The following GRIN2A variants were observed in gnomAD, a reference collection of about 807,000 sequenced individuals.
The protein encoded by GRIN2A is glutamate receptor ionotropic, NMDA 2A.
A neutral mutation model predicts 113.4 loss-of-function variants in GRIN2A; 22 were observed. The ratio of observed to expected loss-of-function variants is 0.19; its 90% CI spans 0.14 to 0.28. The LOEUF (loss-of-function observed/expected upper bound fraction) is 0.28, where lower values mean the gene tolerates loss of function less well. GRIN2A is among the 10% of genes least tolerant of loss of function. The probability of loss-of-function intolerance (pLI) is 1.00; values close to 1 mark genes in which losing one functional copy is unlikely to be tolerated. For synonymous variants in GRIN2A, 827 were observed against 738.4 expected, an observed-to-expected ratio of 1.12 and a Z score of -1.94; for missense variants, 1,502 against 1,887.0, an observed-to-expected ratio of 0.80 and a Z score of 3.78.
chr16:9,883,572 T>G (rs1408624460), intron 4 of GRIN2A, among the ~76,000 whole-genome samples: 1 of 152,168 alleles, frequency 6.6e-6, no homozygotes, highest in Non-Finnish European at 1.5e-5. Context: ...CAGGAGCAGG[T>G]GACAGCTGAA....
chr16:9,809,185 C>T (rs552688382), intron 10 of GRIN2A, among the ~76,000 whole-genome samples: 32 of 152,126 alleles, frequency 2.1e-4, no homozygotes, highest in Non-Finnish European at 4.0e-4. Flanking sequence ...TTTGGGAGGC[C>T]GAAGTGGGTG....
In GRIN2A at chr16:9,991,536, A is replaced by C. The variant is rs543147983; in HGVS notation, c.415-52985T>G. On this transcript the variant is annotated intron_variant, in intron 2 of 12. Transcript: ENST00000330684. ...TATTGTACCCATTAAATAACTTCTC[A>C]TTCTTCACCTCCTCCCATTCCCCTC... is the stretch of plus-strand genomic sequence containing the variant. Among the ~76,000 whole-genome samples the C allele has an allele frequency of 2.0e-5, 3 of 152,232 alleles. No homozygotes were observed. The South Asian group carries it at 6.2e-4, about 32-fold the overall frequency.
At chr16:10,117,712 G>C (rs12927015) in intron 2 of GRIN2A, among the ~76,000 whole-genome samples, 13,909 of 152,150 alleles carry the variant, frequency 0.091, 666 homozygotes, top group Middle Eastern at 0.11. Flanking sequence ...AAAAAGCTCA[G>C]GGGCTACAGC....
intron 2 of GRIN2A, among the ~76,000 whole-genome samples, chr16:10,136,122 T>G (rs1196249464): frequency 6.6e-6 from 1 of 152,158 alleles, no homozygotes; most frequent in African/African-American, 2.4e-5. Flanking sequence ...CTCTCCCTTT[T>G]ACACTCTGCT....
Position 9,890,733 on chromosome 16 carries a change from A to G in GRIN2A, c.1122+253T>C, listed in dbSNP as rs144254822. Among the ~76,000 whole-genome samples, 1,684 of 152,316 alleles carry G rather than the reference A, an allele frequency of 0.011. 24 individuals are homozygous for G. The highest frequency in any genetic ancestry group is 0.033 in the African/African-American group (1,373 of 41,562). On this transcript the variant is annotated intron_variant, in intron 4 of 12. Transcript: ENST00000330684. ...ACTGTCTTTAAATTATCCTTAGTTC[A>G]GACCTTTCCTACTGGGATTTGAGAA...
intron 2 of GRIN2A, among the ~76,000 whole-genome samples, chr16:10,159,399 C>T (rs959840454): frequency 1.9e-4 from 29 of 152,154 alleles, no homozygotes; most frequent in African/African-American, 6.8e-4. Flanking sequence ...GAACCCAGGG[C>T]AAGAGGTTGA....
chr16:9,796,245 A>G (rs1187266570), intron 11 of GRIN2A, among the ~76,000 whole-genome samples: 1 of 152,196 alleles, frequency 6.6e-6, no homozygotes, highest in Non-Finnish European at 1.5e-5. Flanking sequence ...CAAATGAAAT[A>G]CATCTTAACA....
intron 12 of GRIN2A, among the ~76,000 whole-genome samples, chr16:9,765,252 A>G (rs778613150): frequency 2.6e-5 from 4 of 152,232 alleles, no homozygotes; most frequent in Non-Finnish European, 5.9e-5. Context: ...GTGTCTCCAA[A>G]GTGGCATATA....
rs1555482324 is a variant in GRIN2A, at chr16:9,763,928, G to T, written c.3616C>A (p.Arg1206=). Residue 1206 remains arginine, a synonymous_variant, in exon 13 of 13, where the codon CGA becomes AGA. Coordinates refer to ENST00000330684, the MANE Select transcript of GRIN2A (RefSeq NM_001134407.3). ...KGSPHSETSE[R]YRQNSTHCRS... ...CAGTGCGTGGAGTTCTGCCGGTATC[G>T]CTCGCTGGTCTCACTGTGCGGGGAA... is the stretch of plus-strand genomic sequence containing the variant. 2.5e-6 allele frequency: 4 copies of T among 1,614,096 alleles called. No homozygotes were observed. The highest frequency in any genetic ancestry group is 3.4e-6 in the Non-Finnish European group (4 of 1,179,996).
chr16:9,988,852 C>G (rs2046038958), intron 2 of GRIN2A, among the ~76,000 whole-genome samples: 1 of 152,086 alleles, frequency 6.6e-6, no homozygotes, highest in Non-Finnish European at 1.5e-5. Flanking sequence ...GAATGTAGCC[C>G]AAGATCCCCC....
chr16:10,016,116 C>CAA (rs140929988), intron 2 of GRIN2A, among the ~76,000 whole-genome samples: 46 of 66,228 alleles, frequency 6.9e-4, no homozygotes, highest in East Asian at 1.2e-3. Context: ...AACTCCATCT[C>CAA]AAAAAAAAAA....
chr16:9,966,694 A>C (rs1377785161), intron 2 of GRIN2A, among the ~76,000 whole-genome samples: 1 of 152,026 alleles, frequency 6.6e-6, no homozygotes, highest in African/African-American at 2.4e-5. Flanking sequence ...AGAAATTGCC[A>C]CATTGTCTTC....
chr16:10,128,113 A>T (rs11645379), intron 2 of GRIN2A, among the ~76,000 whole-genome samples: 2 of 152,084 alleles, frequency 1.3e-5, no homozygotes, highest in African/African-American at 4.8e-5. Context: ...ATTTTCATCC[A>T]TTGTTGCTGA....
intron 11 of GRIN2A, among the ~76,000 whole-genome samples, chr16:9,787,914 T>C (rs76236806): frequency 6.6e-6 from 1 of 152,286 alleles, no homozygotes; most frequent in African/African-American, 2.4e-5. Context: ...CAGGGACCTA[T>C]GTCAGGAAGA....
chr16:10,160,650 T>C (rs2049791711), intron 2 of GRIN2A, among the ~76,000 whole-genome samples: 1 of 152,234 alleles, frequency 6.6e-6, no homozygotes, highest in Non-Finnish European at 1.5e-5. Context: ...TTTGGCTGTT[T>C]TAATGAATTC....
rs76723385 is a variant in GRIN2A, at chr16:9,786,801, T to C, written c.2356+11476A>G. Among the ~76,000 whole-genome samples the C allele has an allele frequency of 1.8e-3, 276 of 152,336 alleles. 1 individual carries two copies. The East Asian group carries it at 0.029, about 16-fold the overall frequency. ...ACTGACCTGTGACTCAGTTTCCTCATATGTAAATAGGAATGAATAATTATA... is the reference window on the plus strand; with the variant it reads ...ACTGACCTGTGACTCAGTTTCCTCACATGTAAATAGGAATGAATAATTATA... On this transcript the variant is annotated intron_variant, in intron 11 of 12. Coordinates refer to ENST00000330684, the MANE Select transcript of GRIN2A (RefSeq NM_001134407.3).
chr16:9,953,073 G>A (rs1367318825), intron 2 of GRIN2A, among the ~76,000 whole-genome samples: 2 of 152,142 alleles, frequency 1.3e-5, no homozygotes, highest in African/African-American at 4.8e-5. Flanking sequence ...AGGAGGGAAT[G>A]AATGAAGGCA....
chr16:9,865,224 A>G (rs1158572222), intron 4 of GRIN2A, among the ~76,000 whole-genome samples: 5 of 152,204 alleles, frequency 3.3e-5, no homozygotes, highest in Admixed American at 3.3e-4. Flanking sequence ...CACTGGGGGA[A>G]GAGGAGGGTT....
chr16:9,769,301 T>G lies in GRIN2A; in HGVS notation c.2357-212A>C, dbSNP rs1901111407. The G allele has an allele frequency of 8.0e-6, 3 of 375,250 alleles. No homozygotes were observed. The South Asian group carries it at 1.2e-4, about 15-fold the overall frequency. The allele number at this position is 375,250 out of a possible 1,614,324, so 23.2% of individuals were successfully genotyped here. A position where few individuals can be genotyped will look rare whatever the true frequency, so the allele number is the denominator to read the frequency against. The stretch of plus-strand genomic sequence containing the variant: ...AATATTGTTGCAGTGAGGACAAAAT[T>G]TATATATAAAAATAGAGAATATAAT... On this transcript the variant is annotated intron_variant, in intron 11 of 12. Transcript: ENST00000330684.
Sources: allele counts gnomAD v4.1 joint callset (sites outside exome capture counted in the v4.1 genomes callset), GRCh38; gene constraint gnomAD v4.1.1; transcripts MANE v1.5; gene names NCBI Gene and HGNC (gene_info 2026-07-23, HGNC 2026-07-21).